Variants in GDA observed in about 807,000 individuals in gnomAD.
The protein encoded by GDA is guanine deaminase.
Under a neutral mutation model 59.6 loss-of-function variants are expected in GDA, and 18 were observed. The observed-to-expected ratio is 0.30, with a 90% CI of 0.21 to 0.45. The LOEUF (loss-of-function observed/expected upper bound fraction) is 0.45, where lower values mean the gene tolerates loss of function less well. Ranked by LOEUF, GDA falls within the 20% of genes least tolerant of loss-of-function variation. The probability of loss-of-function intolerance (pLI) is 1.00; values close to 1 mark genes in which losing one functional copy is unlikely to be tolerated. For missense variants in GDA, 427 were observed against 552.3 expected (o/e 0.77, Z 2.27); for synonymous variants, 201 against 201.1 (o/e 1.00, Z 0.00).
At chr9:72,167,497 T>C (rs1169093025) in intron 1 of GDA, among the ~76,000 whole-genome samples, 1 of 152,214 alleles carries the variant, frequency 6.6e-6, no homozygotes, top group Non-Finnish European at 1.5e-5. Context: ...CCTTGAATTG[T>C]TATCAGTTGA....
intron 1 of GDA, among the ~76,000 whole-genome samples, chr9:72,162,663 T>A (rs1328119501): frequency 2.0e-5 from 2 of 101,798 alleles, no homozygotes; most frequent in East Asian, 2.2e-4. Flanking sequence ...ATTTACAATT[T>A]TTTTTTTTTT....
At chr9:72,229,212 A>G (rs957621002) in intron 9 of GDA, 30 of 157,426 alleles carry the variant, frequency 1.9e-4, no homozygotes, top group East Asian at 1.5e-3. Flanking sequence ...TTAGCCGGGC[A>G]TGGTGGCGGG....
intron 6 of GDA, among the ~76,000 whole-genome samples, chr9:72,222,140 C>G (rs1836966128): frequency 6.6e-6 from 1 of 152,206 alleles, no homozygotes. Flanking sequence ...ACCACATTGT[C>G]TTTCACAATG....
At chr9:72,229,684 G>C (rs540168148) in intron 9 of GDA, among the ~76,000 whole-genome samples, 1 of 152,332 alleles carries the variant, frequency 6.6e-6, no homozygotes, top group South Asian at 2.1e-4. Flanking sequence ...TCTAGCACAG[G>C]AGAGAGCTGA....
intron 1 of GDA, among the ~76,000 whole-genome samples, chr9:72,170,967 C>G (rs1829899888): frequency 6.6e-6 from 1 of 152,128 alleles, no homozygotes; most frequent in South Asian, 2.1e-4. Flanking sequence ...CAGGCGTGCA[C>G]CACCATGCCT....
In GDA at chr9:72,249,934, C is replaced by A; in HGVS notation, c.*1592C>A. On this transcript the variant is annotated 3_prime_UTR_variant, in exon 14 of 14. Coordinates refer to ENST00000358399, the MANE Select transcript of GDA (RefSeq NM_004293.5). ...CCCAGTTTTTTCCCTAATAGAAATACTTTTAGATTTGATTATGTATACATG... is the reference window on the plus strand; with the variant it reads ...CCCAGTTTTTTCCCTAATAGAAATAATTTTAGATTTGATTATGTATACATG... The A allele has an allele frequency of 1.1e-6, 1 of 949,818 alleles. No individual in the cohort carries two copies. The highest frequency in any genetic ancestry group is 1.3e-6 in the Non-Finnish European group (1 of 797,706). The allele number at this position is 949,818 out of a possible 1,614,324, so 58.8% of individuals were successfully genotyped here.
intron 10 of GDA, among the ~76,000 whole-genome samples, chr9:72,234,717 C>G (rs750282044): frequency 2.0e-5 from 3 of 152,080 alleles, no homozygotes; most frequent in Admixed American, 6.5e-5. Context: ...TACGCTAAAT[C>G]GTAACTGAAC....
intron 9 of GDA, chr9:72,228,397 A>AG (rs1233033130): frequency 4.4e-6 from 1 of 227,876 alleles, no homozygotes; most frequent in African/African-American, 2.3e-5. Flanking sequence ...TTTGTGCTGT[A>AG]GTGTGAGAAG....
At chr9:72,202,841 C>T (rs758772378) in intron 3 of GDA, 99 bp downstream of exon 3, 96 of 900,682 alleles carry the variant, frequency 1.1e-4, no homozygotes, top group Non-Finnish European at 1.5e-4. Context: ...AGCAGTTAAG[C>T]CTAAGATGGG....
At chr9:72,151,256 C>A (rs1029209673) in intron 1 of GDA, among the ~76,000 whole-genome samples, 3 of 152,164 alleles carry the variant, frequency 2.0e-5, no homozygotes, top group African/African-American at 7.2e-5. Flanking sequence ...AGAAAACATG[C>A]CCTTCCCCCA....
chr9:72,221,050 T>C (rs1023235127), intron 6 of GDA, among the ~76,000 whole-genome samples: 2 of 152,150 alleles, frequency 1.3e-5, no homozygotes, highest in African/African-American at 4.8e-5. Flanking sequence ...CCATCTAACT[T>C]TGGGAGATTT....
chr9:72,137,242 CTTTTTTTTTTTTTT>C (rs143364725), intron 1 of GDA, among the ~76,000 whole-genome samples: 5 of 84,506 alleles, frequency 5.9e-5, no homozygotes, highest in Non-Finnish European at 8.3e-5. Flanking sequence ...TTCTTTTTTT[CTTTTTTTTTTTTTT>C]TTTTTTTGAG....
Position 72,204,008 on chromosome 9 carries a change from G to T in GDA, c.384+1266G>T, listed in dbSNP as rs1036423749. On this transcript the variant is annotated intron_variant, in intron 3 of 13. Transcript: ENST00000358399. ...ATTTTTCTATTTTTAGTAGAGACGG[G>T]GTTTCACCATATTGCTCAGGCTGGT... is the stretch of plus-strand genomic sequence containing the variant. Among the ~76,000 whole-genome samples the T allele has an allele frequency of 4.6e-5, 7 of 152,000 alleles. No individual in the cohort carries two copies. In the Middle Eastern group the frequency reaches 0.01, roughly 222 times the overall value.
At position 72,174,101 on chromosome 9, in the gene GDA, CCTT is replaced by C. The variant is rs1478566697; in HGVS notation, c.124-21398_124-21396del. On this transcript the variant is annotated intron_variant, in intron 1 of 13. Transcript: ENST00000358399. ...ACTTCTAGAGAATAAATTCTGAACT[CCTT>C]AGCATGACACTTCAAGGTTCTCTGG... Among the ~76,000 whole-genome samples the C allele has an allele frequency of 2.6e-5, 4 of 152,138 alleles. No homozygotes were observed. In the East Asian group the frequency reaches 5.8e-4, roughly 22 times the overall value.
chr9:72,128,556 GAT>G lies in GDA; in HGVS notation c.-100+13732_-100+13733del, dbSNP rs571621629. On this transcript the variant is annotated intron_variant, in intron 1 of 13. Transcript: ENST00000545168. ...ATACTATTATTCACTTCCCAATGTT[GAT>G]ATATATATGTAACATATATATAATA... Among the ~76,000 whole-genome samples, 216 of 152,104 alleles carry G rather than the reference GAT, an allele frequency of 1.4e-3. 1 individual carries two copies. The highest frequency in any genetic ancestry group is 4.8e-3 in the African/African-American group (201 of 41,480).
chr9:72,235,716 G>GA (rs1404179011), intron 10 of GDA, among the ~76,000 whole-genome samples: 5 of 151,344 alleles, frequency 3.3e-5, no homozygotes, highest in Admixed American at 2.0e-4. Flanking sequence ...CCTTGTCTCA[G>GA]AAAAAAGAGA....
intron 8 of GDA, among the ~76,000 whole-genome samples, chr9:72,226,839 C>T (rs1166190585): frequency 4.6e-5 from 7 of 152,180 alleles, no homozygotes; most frequent in African/African-American, 1.4e-4. Context: ...GTCACTGGGC[C>T]GGGCCTGGTG....
intron 1 of GDA, among the ~76,000 whole-genome samples, chr9:72,174,704 G>T (rs1333211409): frequency 6.6e-6 from 1 of 151,898 alleles, no homozygotes; most frequent in Non-Finnish European, 1.5e-5. Flanking sequence ...GGCCGGGTCT[G>T]TTGGGAACTG....
chr9:72,241,110 CCT>C, intron 10 of GDA, 40 bp from the exon 11 acceptor site: 1 of 1,466,106 alleles, frequency 6.8e-7, no homozygotes, highest in Non-Finnish European at 9.4e-7. Flanking sequence ...TTCCATTTAT[CCT>C]CACAAGGTTA....
Sources: allele counts gnomAD v4.1 joint callset (sites outside exome capture counted in the v4.1 genomes callset), GRCh38; gene constraint gnomAD v4.1.1; transcripts MANE v1.5; gene names NCBI Gene and HGNC (gene_info 2026-07-23, HGNC 2026-07-21).